The following WDPCP variants were observed in gnomAD, a reference collection of about 807,000 sequenced individuals.
The protein encoded by WDPCP is WD repeat-containing and planar cell polarity effector protein fritz homolog.
A neutral mutation model predicts 93.1 loss-of-function variants in WDPCP; 71 were observed. The observed-to-expected ratio is 0.76, with a 90% CI of 0.63 to 0.93. WDPCP has a LOEUF of 0.93. Ranked by LOEUF, WDPCP falls within the 40% of genes least tolerant of loss-of-function variation. The probability of loss-of-function intolerance (pLI) is 0.00; values close to 1 mark genes in which losing one functional copy is unlikely to be tolerated. For missense variants in WDPCP, 844 were observed against 887.4 expected, an observed-to-expected ratio of 0.95 and a Z score of 0.62; for synonymous variants, 315 against 315.0, an observed-to-expected ratio of 1.00 and a Z score of 0.00.
intron 3 of WDPCP, chr2:63,622,752 G>A (rs563084402): frequency 1.2e-5 from 20 of 1,613,050 alleles, no homozygotes; most frequent in African/African-American, 9.3e-5. Context: ...ATAGGGATTC[G>A]GGTACCGCTG....
At chr2:63,733,765 A>G (rs1575760865) in intron 2 of WDPCP, among the ~76,000 whole-genome samples, 1 of 152,110 alleles carries the variant, frequency 6.6e-6, no homozygotes. Flanking sequence ...GATATAATTC[A>G]CCTACCATAA....
Position 63,551,847 on chromosome 2 carries a change from G to C in WDPCP, c.75+36350C>G, listed in dbSNP as rs531296070. 5.9e-5 allele frequency among the ~76,000 whole-genome samples: 9 copies of C among 151,724 alleles called. No homozygotes were observed. In the East Asian group the frequency reaches 1.8e-3, roughly 30 times the overall value. ...GAAAAGGGTGATTTTTTTATAATGT[G>C]CCAGATTTGTCATTGTCCTTTTCTA... On this transcript the variant is annotated intron_variant, in intron 1 of 17. Transcript: ENST00000272321.
chr2:63,329,187 C>T (rs1687791509), intron 12 of WDPCP, among the ~76,000 whole-genome samples: 1 of 152,182 alleles, frequency 6.6e-6, no homozygotes, highest in Non-Finnish European at 1.5e-5. Context: ...TTGACTAACA[C>T]ATGTTGTTCC....
At chr2:63,389,836 G>C (rs111893730) in intron 10 of WDPCP, among the ~76,000 whole-genome samples, 1 of 152,160 alleles carries the variant, frequency 6.6e-6, no homozygotes, top group African/African-American at 2.4e-5. Context: ...AATTCAACAA[G>C]AAGAGCTAAC....
At chr2:63,669,007 CA>C (rs1370289443) in intron 2 of WDPCP, among the ~76,000 whole-genome samples, 3 of 152,182 alleles carry the variant, frequency 2.0e-5, no homozygotes, top group African/African-American at 4.8e-5. Context: ...CCCTGGTCAA[CA>C]GCACCGAGTT....
At chr2:63,727,402 G>A (rs921690682) in intron 2 of WDPCP, among the ~76,000 whole-genome samples, 1 of 152,188 alleles carries the variant, frequency 6.6e-6, no homozygotes, top group African/African-American at 2.4e-5. Flanking sequence ...AAGCCTACTT[G>A]ATCGTATTGG....
chr2:63,615,179 G>A (rs1387562794), intron 3 of WDPCP, among the ~76,000 whole-genome samples: 3 of 152,176 alleles, frequency 2.0e-5, no homozygotes, highest in Non-Finnish European at 4.4e-5. Context: ...CACAGATAAG[G>A]AAGCAGCTAT....
chr2:63,344,672 A>C (rs934002619), intron 12 of WDPCP, among the ~76,000 whole-genome samples: 4 of 152,172 alleles, frequency 2.6e-5, no homozygotes, highest in African/African-American at 4.8e-5. Flanking sequence ...ATTTTCTCAG[A>C]CATATAGGTA....
At chr2:63,578,806 A>G (rs973744516) in intron 1 of WDPCP, among the ~76,000 whole-genome samples, 4 of 152,216 alleles carry the variant, frequency 2.6e-5, no homozygotes, top group African/African-American at 9.6e-5. Context: ...CACAGAACCC[A>G]TAACATTTTG....
chr2:63,295,880 C>CAAAAAAAA (rs59418675), intron 13 of WDPCP, among the ~76,000 whole-genome samples: 1 of 115,254 alleles, frequency 8.7e-6, no homozygotes. Flanking sequence ...GAAACTATTC[C>CAAAAAAAA]AAAAAAAAAA....
intron 14 of WDPCP, among the ~76,000 whole-genome samples, chr2:63,203,245 T>G (rs1467570696): frequency 6.6e-6 from 1 of 152,120 alleles, no homozygotes; most frequent in Non-Finnish European, 1.5e-5. Context: ...AGGCATGCAA[T>G]GTATAATAAT....
At chr2:63,438,046 T>C in intron 7 of WDPCP, 1 of 1,248,190 alleles carries the variant, frequency 8.0e-7, no homozygotes, top group Non-Finnish European at 1.0e-6. Context: ...ACAAGCTGGA[T>C]GAAATAAAGC....
At chr2:63,700,058 G>A (rs1669022263) in intron 2 of WDPCP, among the ~76,000 whole-genome samples, 1 of 151,994 alleles carries the variant, frequency 6.6e-6, no homozygotes, top group Non-Finnish European at 1.5e-5. Flanking sequence ...GGCTGAGGCA[G>A]ATGGATGTGT....
chr2:63,491,856 G>C (rs891709366), intron 2 of WDPCP, among the ~76,000 whole-genome samples: 4 of 151,966 alleles, frequency 2.6e-5, no homozygotes, highest in African/African-American at 7.3e-5. Context: ...ACTCTCCTCT[G>C]CAGGCAATTT....
chr2:63,447,388 T>G (rs1183530934), intron 6 of WDPCP, among the ~76,000 whole-genome samples: 1 of 152,138 alleles, frequency 6.6e-6, no homozygotes, highest in Non-Finnish European at 1.5e-5. Flanking sequence ...TATTCAGTAT[T>G]TTTCTATAAA....
At chr2:63,354,034 G>A (rs562903169) in intron 12 of WDPCP, among the ~76,000 whole-genome samples, 8 of 152,264 alleles carry the variant, frequency 5.3e-5, no homozygotes, top group African/African-American at 1.9e-4. Context: ...GCAACTGAAA[G>A]CCTCTCTGCC....
At chr2:63,775,324 G>A (rs1670285818) in intron 2 of WDPCP, among the ~76,000 whole-genome samples, 1 of 152,144 alleles carries the variant, frequency 6.6e-6, no homozygotes, top group East Asian at 1.9e-4. Flanking sequence ...TTATTGAATT[G>A]CACCTAATTG....
chr2:63,347,611 A>G (rs1689280569), intron 12 of WDPCP, among the ~76,000 whole-genome samples: 1 of 152,190 alleles, frequency 6.6e-6, no homozygotes, highest in South Asian at 2.1e-4. Flanking sequence ...TCAGAATTCA[A>G]GATTAGAAAT....
At chr2:63,225,783 A>G (rs1025504497) in intron 14 of WDPCP, among the ~76,000 whole-genome samples, 4 of 151,866 alleles carry the variant, frequency 2.6e-5, no homozygotes, top group Admixed American at 6.6e-5. Context: ...GTATTACTAC[A>G]GTATATATAT....
Sources: gnomAD v4.1 joint callset for allele counts (sites outside exome capture counted in the v4.1 genomes callset) on GRCh38, gnomAD v4.1.1 for gene constraint, MANE v1.5 for transcripts, NCBI Gene and HGNC (gene_info 2026-07-23, HGNC 2026-07-21) for gene names.